The following DIAPH3 variants were observed in gnomAD, a reference collection of about 807,000 sequenced individuals.
DIAPH3 encodes protein diaphanous homolog 3.
In DIAPH3, 117 loss-of-function variants were observed where a neutral mutation model predicts 144.3. The ratio of observed to expected loss-of-function variants is 0.81; its 90% CI spans 0.70 to 0.95. DIAPH3 has a LOEUF of 0.95. Ranked by LOEUF, DIAPH3 falls within the 40% of genes least tolerant of loss-of-function variation. The pLI is 0.00. For synonymous variants in DIAPH3, 519 were observed against 488.9 expected, an observed-to-expected ratio of 1.06 and a Z score of -0.81; for missense variants, 1,421 against 1,412.7, an observed-to-expected ratio of 1.01 and a Z score of -0.09.
chr13:60,020,099 T>C (rs1044090937), intron 5 of DIAPH3, among the ~76,000 whole-genome samples: 5 of 152,200 alleles, frequency 3.3e-5, no homozygotes, highest in Non-Finnish European at 7.3e-5. Flanking sequence ...CCGTTTCTTA[T>C]ATATCATATT....
intron 4 of DIAPH3, among the ~76,000 whole-genome samples, chr13:60,046,604 G>C (rs554223296): frequency 1.6e-4 from 24 of 152,162 alleles, no homozygotes. Context: ...CCATTTGACC[G>C]AGCAATCCCA....
chr13:59,708,417 C>T (rs541342215), intron 27 of DIAPH3, among the ~76,000 whole-genome samples: 3 of 152,286 alleles, frequency 2.0e-5, no homozygotes, highest in South Asian at 4.2e-4. Context: ...TACCACTGCA[C>T]TAAAATTCCC....
intron 4 of DIAPH3, among the ~76,000 whole-genome samples, chr13:60,045,116 C>T (rs1220829380): frequency 3.3e-5 from 5 of 151,932 alleles, no homozygotes; most frequent in Admixed American, 6.6e-5. Context: ...CTGAGGCGGG[C>T]GGATCACCTG....
At chr13:59,756,171 G>A (rs1046412602) in intron 27 of DIAPH3, among the ~76,000 whole-genome samples, 11 of 152,084 alleles carry the variant, frequency 7.2e-5, no homozygotes, top group African/African-American at 2.7e-4. Flanking sequence ...TAATTCTGGT[G>A]CATGCTGAAA....
At chr13:60,154,169 A>G (rs1951921457) in intron 1 of DIAPH3, among the ~76,000 whole-genome samples, 1 of 152,174 alleles carries the variant, frequency 6.6e-6, no homozygotes, top group Admixed American at 6.5e-5. Context: ...CTAATGCCCT[A>G]AAGTGTAGGC....
chr13:59,930,268 T>C (rs901158304), intron 17 of DIAPH3, among the ~76,000 whole-genome samples: 3 of 152,182 alleles, frequency 2.0e-5, no homozygotes, highest in African/African-American at 7.2e-5. Flanking sequence ...CTAGACAAGA[T>C]AGAGAAATTC....
At chr13:59,694,571 T>G (rs1470406528) in intron 27 of DIAPH3, among the ~76,000 whole-genome samples, 1 of 152,186 alleles carries the variant, frequency 6.6e-6, no homozygotes, top group Admixed American at 6.5e-5. Flanking sequence ...TCTAAAACGC[T>G]TGATTGTTAA....
chr13:59,962,393 T>C (rs1203553094), intron 17 of DIAPH3, among the ~76,000 whole-genome samples: 2 of 152,236 alleles, frequency 1.3e-5, no homozygotes, highest in African/African-American at 4.8e-5. Context: ...GGAAGCAATG[T>C]AGATGTGCTG....
chr13:60,080,565 G>A (rs1052754549), intron 4 of DIAPH3, among the ~76,000 whole-genome samples: 14 of 151,826 alleles, frequency 9.2e-5, no homozygotes, highest in Admixed American at 9.2e-4. Context: ...GATTAGTCAA[G>A]AAATCTGAAC....
At chr13:59,899,288 T>C (rs2046304528) in intron 20 of DIAPH3, among the ~76,000 whole-genome samples, 1 of 152,090 alleles carries the variant, frequency 6.6e-6, no homozygotes. Flanking sequence ...TATACATCTA[T>C]CCTATCACTC....
intron 23 of DIAPH3, among the ~76,000 whole-genome samples, chr13:59,834,226 G>GAT: frequency 6.6e-6 from 1 of 151,714 alleles, no homozygotes; most frequent in Non-Finnish European, 1.5e-5. Flanking sequence ...AATGCAGTCA[G>GAT]ATATAACATC....
At chr13:59,985,865 G>T (rs1432435937) in intron 12 of DIAPH3, among the ~76,000 whole-genome samples, 1 of 59,744 alleles carries the variant, frequency 1.7e-5, no homozygotes, top group African/African-American at 7.2e-5. Flanking sequence ...TCATGGGTAG[G>T]AAGAATCAAT....
At chr13:59,865,792 A>G (rs919248827) in intron 21 of DIAPH3, among the ~76,000 whole-genome samples, 5 of 152,042 alleles carry the variant, frequency 3.3e-5, no homozygotes, top group South Asian at 2.1e-4. Context: ...AATCTGGATG[A>G]CATTTAAAGA....
At chr13:59,885,621 GTTGAA>G (rs1430308427) in intron 20 of DIAPH3, among the ~76,000 whole-genome samples, 1 of 151,994 alleles carries the variant, frequency 6.6e-6, no homozygotes, top group African/African-American at 2.4e-5. Context: ...TATGTAGTGA[GTTGAA>G]TTGAACAGAG....
chr13:59,719,662 T>G (rs2035241746), intron 27 of DIAPH3, among the ~76,000 whole-genome samples: 1 of 152,146 alleles, frequency 6.6e-6, no homozygotes, highest in South Asian at 2.1e-4. Context: ...TTCTTGGTGT[T>G]GGAGAAAGCT....
At chr13:60,013,691 C>T (rs891557270) in intron 7 of DIAPH3, among the ~76,000 whole-genome samples, 15 of 152,056 alleles carry the variant, frequency 9.9e-5, no homozygotes, top group African/African-American at 3.4e-4. Context: ...AAATAAGGTA[C>T]CACATTTTTT....
intron 4 of DIAPH3, among the ~76,000 whole-genome samples, chr13:60,059,398 ATTT>A (rs1448130181): frequency 6.6e-6 from 1 of 152,024 alleles, no homozygotes; most frequent in African/African-American, 2.4e-5. Flanking sequence ...CTAAACAACT[ATTT>A]TTAAATTTAC....
At chr13:59,958,974 C>T (rs2049580395) in intron 17 of DIAPH3, among the ~76,000 whole-genome samples, 1 of 147,696 alleles carries the variant, frequency 6.8e-6, no homozygotes, top group Admixed American at 7.0e-5. Context: ...CTCCCGGGTT[C>T]AAGCGATTAT....
At chr13:59,751,331 A>G (rs1350488635) in intron 27 of DIAPH3, among the ~76,000 whole-genome samples, 2 of 152,230 alleles carry the variant, frequency 1.3e-5, no homozygotes, top group African/African-American at 4.8e-5. Flanking sequence ...ATTAACAAGA[A>G]CTGATTTCTT....
Sources: gnomAD v4.1 joint callset for allele counts (sites outside exome capture counted in the v4.1 genomes callset) on GRCh38, gnomAD v4.1.1 for gene constraint, MANE v1.5 for transcripts, NCBI Gene and HGNC (gene_info 2026-07-23, HGNC 2026-07-21) for gene names.